STX16: variants seen among roughly 807,000 people sequenced by gnomAD.
The protein encoded by STX16 is syntaxin-16.
A neutral mutation model predicts 42.7 loss-of-function variants in STX16; 28 were observed. The observed-to-expected ratio is 0.66, with a 90% confidence interval of 0.49 to 0.90. The LOEUF (loss-of-function observed/expected upper bound fraction) is 0.90. STX16 is among the 40% of genes least tolerant of loss of function. The pLI, the probability that STX16 is intolerant of heterozygous loss-of-function variation, is 0.00. For missense variants in STX16, 361 were observed against 420.9 expected, an observed-to-expected ratio of 0.86 and a Z score of 1.24; for synonymous variants, 156 against 155.2, an observed-to-expected ratio of 1.00 and a Z score of -0.04.
chr20:58,652,371 A>C (rs867818638), intron 1 of STX16: 11,191 of 460,278 alleles, frequency 0.024, 1 homozygote, highest in African/African-American at 0.04. Context: ...CTTCCGCAGC[A>C]CCCCCCCCCC....
intron 2 of STX16, among the ~76,000 whole-genome samples, chr20:58,660,787 T>C (rs2083681117): frequency 6.9e-6 from 1 of 144,688 alleles, no homozygotes; most frequent in South Asian, 2.2e-4. Context: ...AAAAAATTCC[T>C]GAAAAGATAC....
At position 58,662,374 on chromosome 20, in the gene STX16, G is replaced by T. The variant is rs2083720047; in HGVS notation, c.144+2740G>T. On this transcript the variant is annotated intron_variant, in intron 2 of 8. Coordinates refer to ENST00000371141, the MANE Select transcript of STX16 (RefSeq NM_001001433.3). ...TACAGTGCTCACAGAAGGCAGGGAG[G>T]GACGGATTGCTCCCCTCCTTTTTCT... Among the ~76,000 whole-genome samples, 2 of 152,184 alleles carry T rather than the reference G, an allele frequency of 1.3e-5. 1 individual carries two copies. The highest frequency in any genetic ancestry group is 4.1e-4 in the South Asian group (2 of 4,832).
At chr20:58,659,700 A>C in intron 2 of STX16, 66 bp downstream of exon 2, 1 of 1,553,584 alleles carries the variant, frequency 6.4e-7, no homozygotes, top group Non-Finnish European at 8.8e-7. Context: ...ACTTTTCCTG[A>C]AGTCTTTGCT....
Position 58,667,968 on chromosome 20 carries a change from T to C in STX16, c.253-19T>C. On this transcript the variant is annotated intron_variant, in intron 3 of 8. Transcript: ENST00000371141. ...AGCCTGCCTGGCATCAGTGGAGTTC[T>C]GTGACTTCATTTGCTTAGATTCAGT... The C allele has an allele frequency of 6.2e-7, 1 of 1,614,206 alleles. No homozygotes were observed. The highest frequency in any genetic ancestry group is 8.5e-7 in the Non-Finnish European group (1 of 1,180,022).
chr20:58,668,231 C>A (rs2083884089), intron 4 of STX16, 104 bp downstream of exon 4: 4 of 1,452,156 alleles, frequency 2.8e-6, no homozygotes, highest in East Asian at 2.5e-5. Flanking sequence ...CATTTCCCAA[C>A]CTGAAGTTCT....
Position 58,671,425 on chromosome 20 carries a change from TATGTGTGTGTGGGTGTG to T in STX16, c.792+129_792+145del, listed in dbSNP as rs1322860059. On this transcript the variant is annotated intron_variant, in intron 7 of 8. Transcript: ENST00000371141. ...CCAACATGTGTGTGCACCTGTCCTT[TATGTGTGTGTGGGTGTG>T]TGTGTGTGTGTGTGTGTGTGTGTGT... 88 of 467,784 alleles carry T rather than the reference TATGTGTGTGTGGGTGTG, an allele frequency of 1.9e-4. 2 individuals are homozygous for T. The highest frequency in any genetic ancestry group is 6.3e-4 in the African/African-American group (11 of 17,518). The allele number at this position is 467,784 out of a possible 1,614,324, so 29.0% of individuals were successfully genotyped here.
Position 58,657,135 on chromosome 20 carries a change from G to T in STX16, c.133-2488G>T, listed in dbSNP as rs552197659. Among the ~76,000 whole-genome samples the T allele has an allele frequency of 9.2e-5, 14 of 152,178 alleles. No individual in the cohort carries two copies. In the East Asian group the frequency reaches 2.5e-3, roughly 27 times the overall value. On this transcript the variant is annotated intron_variant, in intron 1 of 8. Transcript: ENST00000371141. The surrounding 1 kb of genome is among the most constrained non-coding windows in gnomAD (Gnocchi z 4.2). ...TTGTTTTAAAACAATTTTTTTTCTT[G>T]CAATAGGCTAGCATCTTTCTTTATC...
Position 58,676,522 on chromosome 20 carries a change from C to T in STX16, c.*231C>T, listed in dbSNP as rs917665892. On this transcript the variant is annotated 3_prime_UTR_variant, in exon 9 of 9. Coordinates refer to ENST00000371141, the MANE Select transcript of STX16 (RefSeq NM_001001433.3). ...GAGAATTTAAGGACCTTTGATACTG[C>T]TGCACAATAGAGATTGAGTTCTGGG... 5.9e-6 allele frequency: 3 copies of T among 509,326 alleles called. No individual in the cohort carries two copies. Among genetic ancestry groups the T allele is most frequent in the Non-Finnish European group, 3.5e-6 (1 of 287,532 alleles). 31.6% of individuals were successfully genotyped at this position (509,326 alleles called of 1,614,324 possible).
At chr20:58,659,590 G>A (rs1295210411) in intron 1 of STX16, 33 bp from the exon 2 acceptor site, 4 of 1,608,288 alleles carry the variant, frequency 2.5e-6, no homozygotes, top group Non-Finnish European at 3.4e-6. Flanking sequence ...TCCCCAACTG[G>A]ATGGGACTGA....
At position 58,651,788 on chromosome 20, in the gene STX16, G is replaced by T; in HGVS notation, c.-219G>T. ...TAGAGATCGAAGTCTGCCCTGGGTA[G>T]GGGGAGTCAGACAATTGGAAAGCCT... On this transcript the variant is annotated 5_prime_UTR_variant, in exon 1 of 9. In the 5' UTR this introduces an upstream ATG that the reference lacks. Coordinates refer to ENST00000371141, the MANE Select transcript of STX16 (RefSeq NM_001001433.3). The T allele has an allele frequency of 1.9e-6, 1 of 533,322 alleles. No homozygotes were observed. Among genetic ancestry groups the T allele is most frequent in the South Asian group, 2.1e-5 (1 of 47,186 alleles). 33.0% of individuals were successfully genotyped at this position (533,322 alleles called of 1,614,324 possible).
chr20:58,669,134 T>G (rs1467751970), intron 4 of STX16, among the ~76,000 whole-genome samples, 157 bp from the exon 5 acceptor site: 2 of 152,240 alleles, frequency 1.3e-5, no homozygotes, highest in African/African-American at 4.8e-5. Context: ...TCTGTGTATA[T>G]AAATGAAGCC....
chr20:58,671,484 TAATC>T (rs2083977175), intron 7 of STX16, among the ~76,000 whole-genome samples, 187 bp downstream of exon 7: 3 of 150,042 alleles, frequency 2.0e-5, no homozygotes, highest in Non-Finnish European at 3.0e-5. Flanking sequence ...ATATTAATAT[TAATC>T]AAATATTAAA....
intron 2 of STX16, among the ~76,000 whole-genome samples, chr20:58,660,274 A>T (rs1204291977): frequency 6.6e-6 from 1 of 152,178 alleles, no homozygotes. Context: ...AAAAAATGAG[A>T]TTAAAACTGT....
chr20:58,651,745 T>TG lies in STX16; in HGVS notation c.-256dup. 1 of 402,620 alleles carries TG rather than the reference T, an allele frequency of 2.5e-6. No homozygotes were observed. Among genetic ancestry groups the TG allele is most frequent in the Non-Finnish European group, 4.6e-6 (1 of 216,192 alleles). The allele number at this position is 402,620 out of a possible 1,614,324, so 24.9% of individuals were successfully genotyped here. ...GGACGTTGGATCGCTACGCAAGGAT[T>TG]GGGGGGATTCAAGTGCTTAGAGATC... On this transcript the variant is annotated 5_prime_UTR_variant, in exon 1 of 9. Coordinates refer to ENST00000371141, the MANE Select transcript of STX16 (RefSeq NM_001001433.3).
Position 58,652,020 on chromosome 20 carries a change from G to C in STX16, c.14G>C (p.Arg5Pro). Residue 5 changes from arginine to proline, a missense_variant, in exon 1 of 9, where the codon CGT (arginine) becomes CCT (proline). Coordinates refer to ENST00000371141, the MANE Select transcript of STX16 (RefSeq NM_001001433.3). ...AAAGGGTGAGACATGGCCACCAGGC[G>C]TTTAACCGACGCTTTCTTGTTGTTG... MATR[R>P]LTDAFLLLRN... is the part of the protein sequence containing the mutation. 6.2e-7 allele frequency: 1 copy of C among 1,614,170 alleles called. No individual in the cohort carries two copies. Among genetic ancestry groups the C allele is most frequent in the Non-Finnish European group, 8.5e-7 (1 of 1,179,996 alleles).
rs10695175 is a variant in STX16, at chr20:58,678,639, CA to C, written c.*2366del. The C allele has an allele frequency of 0.027, 3,420 of 124,440 alleles. 131 individuals carry two copies. The highest frequency in any genetic ancestry group is 0.098 in the African/African-American group (3,202 of 32,690). The allele number at this position is 124,440 out of a possible 1,614,324, so 7.7% of individuals were successfully genotyped here. On this transcript the variant is annotated 3_prime_UTR_variant, in exon 9 of 9. Transcript: ENST00000371141. ...TGGGTGACAGAGCGAGGCTCCGTCT[CA>C]AAAAAAAAAAAAAAAAATTGTTTTA...
intron 7 of STX16, among the ~76,000 whole-genome samples, chr20:58,672,079 T>A (rs148162187): frequency 0.022 from 3,414 of 152,138 alleles, 123 homozygotes; most frequent in African/African-American, 0.079. Flanking sequence ...ACATCTGTAA[T>A]CCCAGCACTT....
In STX16 at chr20:58,678,207, T is replaced by A. The variant is rs1049809071; in HGVS notation, c.*1916T>A. 1 of 152,248 alleles carries A rather than the reference T, an allele frequency of 6.6e-6. No individual in the cohort carries two copies. Among genetic ancestry groups the A allele is most frequent in the African/African-American group, 2.4e-5 (1 of 41,466 alleles). 9.4% of individuals were successfully genotyped at this position (152,248 alleles called of 1,614,324 possible). A position where few individuals can be genotyped will look rare whatever the true frequency, so the allele number is the denominator to read the frequency against. On this transcript the variant is annotated 3_prime_UTR_variant, in exon 9 of 9. Coordinates refer to ENST00000371141, the MANE Select transcript of STX16 (RefSeq NM_001001433.3). ...ATACCGGACTTCTGTTCAAGCTTTT[T>A]AAAGTGCTGAGCCTTACAAACCCCT...
At position 58,668,118 on chromosome 20, in the gene STX16, G is replaced by C; in HGVS notation, c.384G>C (p.Glu128Asp). The C allele has an allele frequency of 6.2e-7, 1 of 1,614,234 alleles. No individual in the cohort carries two copies. The highest frequency in any genetic ancestry group is 8.5e-7 in the Non-Finnish European group (1 of 1,180,032). The change falls in exon 4 of 9, where the codon GAG (glutamate) becomes GAC (aspartate). Residue 128 changes from glutamate (E) to aspartate (D), a missense_variant. Coordinates refer to ENST00000371141, the MANE Select transcript of STX16 (RefSeq NM_001001433.3). The part of the protein sequence containing the change: ...EEHAIEITTQ[E>D]ITQLFHRCQR... ...ATGCCATTGAGATAACTACCCAAGA[G>C]ATCACTCAGGTGAGGAGTGCAAGTG...
Sources: allele counts gnomAD v4.1 joint callset (sites outside exome capture counted in the v4.1 genomes callset), GRCh38; gene constraint gnomAD v4.1.1; non-coding constraint Gnocchi (gnomAD v3.1); transcripts MANE v1.5; gene names NCBI Gene and HGNC (gene_info 2026-07-23, HGNC 2026-07-21).